The following SYNGR1 variants were observed in gnomAD, a reference collection of about 807,000 sequenced individuals.
SYNGR1 encodes the protein synaptogyrin-1.
SYNGR1 carries 14 observed loss-of-function variants against 26.1 expected under a neutral mutation model. That is an observed-to-expected ratio of 0.54 (90% CI 0.35 to 0.84). SYNGR1 has a LOEUF of 0.84. SYNGR1 is among the 40% of genes least tolerant of loss of function. The pLI is 0.01. For missense variants in SYNGR1, 319 were observed against 332.9 expected, an observed-to-expected ratio of 0.96 and a Z score of 0.33; for synonymous variants, 141 against 150.1, an observed-to-expected ratio of 0.94 and a Z score of 0.44.
intron 1 of SYNGR1, among the ~76,000 whole-genome samples, chr22:39,364,906 G>A (rs1207278594): frequency 1.3e-5 from 2 of 152,116 alleles, no homozygotes; most frequent in African/African-American, 2.4e-5. Flanking sequence ...TCCACCAAGC[G>A]CCATCTGGAA....
At chr22:39,376,672 TG>T (rs1925299940) in intron 3 of SYNGR1, among the ~76,000 whole-genome samples, 1 of 152,156 alleles carries the variant, frequency 6.6e-6, no homozygotes, top group Non-Finnish European at 1.5e-5. Flanking sequence ...GGGTAGGATC[TG>T]GGGGACACAG....
rs773559334 is a variant in SYNGR1 at position 39,376,125 on chromosome 22, C to A, written c.411C>A (p.Asp137Glu). 6.2e-7 allele frequency: 1 copy of A among 1,614,234 alleles called. No homozygotes were observed. Among genetic ancestry groups the A allele is most frequent in the Non-Finnish European group, 8.5e-7 (1 of 1,180,036 alleles). ...ANQWQVSKPKDNPLNEGTDAA... is the reference protein window; with the variant it reads ...ANQWQVSKPKENPLNEGTDAA... ...AGTGGCAGGTCTCCAAGCCCAAGGACAACCCACTGAACGAAGGGACGGACG... is the reference window on the plus strand; with the variant it reads ...AGTGGCAGGTCTCCAAGCCCAAGGAAAACCCACTGAACGAAGGGACGGACG... Residue 137 changes from aspartate (D) to glutamate (E), a missense_variant, in exon 3 of 4, where the codon GAC (aspartate) becomes GAA (glutamate). Coordinates refer to ENST00000328933, the MANE Select transcript of SYNGR1 (RefSeq NM_004711.5).
At position 39,350,118 on chromosome 22, in the gene SYNGR1, G is replaced by T. The variant is rs778606554; in HGVS notation, c.99+9G>T. 2.1e-6 allele frequency: 3 copies of T among 1,435,670 alleles called. No individual in the cohort carries two copies. The highest frequency in any genetic ancestry group is 1.5e-5 in the African/African-American group (1 of 67,504). The allele number at this position is 1,435,670 out of a possible 1,614,324, so 88.9% of individuals were successfully genotyped here. ...TGCGCGTCGTGTCTTGGGTAAGGAC[G>T]GACTGGCCGACGGCTCTGCCAGGCC... On this transcript the variant is annotated intron_variant, in intron 1 of 3. Transcript: ENST00000328933. This position sits in a 1 kb window ranked among gnomAD's most constrained non-coding sequence, Gnocchi z 4.3.
chr22:39,363,901 A>C (rs1043879309), intron 1 of SYNGR1, among the ~76,000 whole-genome samples: 1 of 152,172 alleles, frequency 6.6e-6, no homozygotes, highest in African/African-American at 2.4e-5. Flanking sequence ...CGTGGGCTCC[A>C]GATGTCATCT....
At position 39,375,924 on chromosome 22, in the gene SYNGR1, G is replaced by T. The variant is rs140038376; in HGVS notation, c.338-128G>T. The T allele has an allele frequency of 8.5e-5, 108 of 1,276,020 alleles. No homozygotes were observed. The East Asian group carries it at 2.4e-3, about 28-fold the overall frequency. 79.0% of individuals were successfully genotyped at this position (1,276,020 alleles called of 1,614,324 possible). A position where few individuals can be genotyped will look rare whatever the true frequency, so the allele number is the denominator to read the frequency against. On this transcript the variant is annotated intron_variant, in intron 2 of 3. Transcript: ENST00000328933. The stretch of plus-strand genomic sequence containing the variant: ...CCTACCCCCTTTGCCTGTCCCTTTG[G>T]GGGTGGGGGAGCATGGGAGATGCAC...
Position 39,376,145 on chromosome 22 carries a change from C to G in SYNGR1, c.431C>G (p.Thr144Arg). The change falls in exon 3 of 4, where the codon ACG becomes AGG. Residue 144 changes from threonine (T) to arginine (R), a missense_variant. Physicochemically the swap from Thr to Arg is moderately conservative, Grantham distance 71. Coordinates refer to ENST00000328933, the MANE Select transcript of SYNGR1 (RefSeq NM_004711.5). ...AAGGACAACCCACTGAACGAAGGGACGGACGCAGCCCGGGCCGCCATCGCC... is the reference window on the plus strand; with the variant it reads ...AAGGACAACCCACTGAACGAAGGGAGGGACGCAGCCCGGGCCGCCATCGCC... Reference protein sequence around the residue: ...KPKDNPLNEGTDAARAAIAFS... With the variant: ...KPKDNPLNEGRDAARAAIAFS... 1 of 1,614,182 alleles carries G rather than the reference C, an allele frequency of 6.2e-7. No homozygotes were observed. Among genetic ancestry groups the G allele is most frequent in the South Asian group, 1.1e-5 (1 of 91,082 alleles).
chr22:39,375,721 A>T, intron 2 of SYNGR1: 1 of 593,030 alleles, frequency 1.7e-6, no homozygotes, highest in Non-Finnish European at 3.0e-6. Context: ...AGGCTGCAGA[A>T]ATGCGGCCTG....
chr22:39,359,883 T>C (rs1239915556), intron 1 of SYNGR1, among the ~76,000 whole-genome samples: 4 of 151,950 alleles, frequency 2.6e-5, no homozygotes, highest in African/African-American at 7.3e-5. Flanking sequence ...AGGCGTCTCC[T>C]CCAACCCTCC....
rs545369847 is a variant in SYNGR1, at chr22:39,370,124, T to C, written c.100-4192T>C. On this transcript the variant is annotated intron_variant, in intron 1 of 3. Transcript: ENST00000328933. ...CTGGGACCACAGGTGCATGCCACCA[T>C]ACTCAGCTAATTTTTGTTTTGTTTT... Among the ~76,000 whole-genome samples, 6 of 151,834 alleles carry C rather than the reference T, an allele frequency of 4.0e-5. No homozygotes were observed. In the South Asian group the frequency reaches 1.2e-3, roughly 32 times the overall value.
intron 2 of SYNGR1, chr22:39,375,109 G>A (rs80181382): frequency 0.014 from 2,391 of 167,412 alleles, 29 homozygotes; most frequent in Non-Finnish European, 0.02. Context: ...CTGATTGGTG[G>A]ATGCTCTCAG....
intron 1 of SYNGR1, among the ~76,000 whole-genome samples, chr22:39,367,598 A>G (rs6001559): frequency 0.47 from 70,881 of 151,892 alleles, 18,899 homozygotes; most frequent in East Asian, 0.99. Flanking sequence ...CGAGGCGGGC[A>G]AATCACCTGA....
chr22:39,364,217 T>C, intron 1 of SYNGR1: 1 of 1,613,640 alleles, frequency 6.2e-7, no homozygotes, highest in Non-Finnish European at 8.5e-7. Context: ...GAGTTTGGGA[T>C]TCTGGAATTC....
Position 39,382,229 on chromosome 22 carries a change from T to A in SYNGR1, c.*315T>A. ...TCCGGCCTGTGCTGGGCATGGGTGGTGACATTGGCAGAAATGGCCACTGGA... is the reference window on the plus strand; with the variant it reads ...TCCGGCCTGTGCTGGGCATGGGTGGAGACATTGGCAGAAATGGCCACTGGA... On this transcript the variant is annotated 3_prime_UTR_variant, in exon 4 of 4. Coordinates refer to ENST00000328933, the MANE Select transcript of SYNGR1 (RefSeq NM_004711.5). The A allele has an allele frequency of 2.1e-6, 1 of 478,776 alleles. No homozygotes were observed. The highest frequency in any genetic ancestry group is 3.8e-6 in the Non-Finnish European group (1 of 260,688). 29.7% of individuals were successfully genotyped at this position (478,776 alleles called of 1,614,324 possible). A position where few individuals can be genotyped will look rare whatever the true frequency, so the allele number is the denominator to read the frequency against.
chr22:39,362,767 G>A (rs904051512), intron 1 of SYNGR1, among the ~76,000 whole-genome samples: 41 of 152,202 alleles, frequency 2.7e-4, no homozygotes, highest in African/African-American at 9.2e-4. Context: ...GCACAGGGGT[G>A]TGCAAGCGGA....
intron 3 of SYNGR1, among the ~76,000 whole-genome samples, chr22:39,381,261 T>C (rs1353465264): frequency 6.6e-6 from 1 of 152,190 alleles, no homozygotes; most frequent in African/African-American, 2.4e-5. Flanking sequence ...GGCCAAAACG[T>C]AGTCACATGG....
intron 1 of SYNGR1, among the ~76,000 whole-genome samples, chr22:39,357,531 G>A (rs1027526343): frequency 1.3e-5 from 2 of 152,230 alleles, no homozygotes; most frequent in Non-Finnish European, 2.9e-5. Flanking sequence ...GCAGGGAGGT[G>A]TGGAGGGAGA....
At chr22:39,375,775 C>T (rs974627505) in intron 2 of SYNGR1, 19 of 607,888 alleles carry the variant, frequency 3.1e-5, no homozygotes, top group Non-Finnish European at 5.0e-5. Context: ...ATCCTCCCCT[C>T]TCACTGCCCG....
chr22:39,362,975 A>C (rs896640164), intron 1 of SYNGR1, among the ~76,000 whole-genome samples: 4 of 152,192 alleles, frequency 2.6e-5, no homozygotes, highest in African/African-American at 9.7e-5. Context: ...TGTTACCAAG[A>C]AAATTAATTG....
At chr22:39,374,956 C>T in intron 2 of SYNGR1, 1 of 289,950 alleles carries the variant, frequency 3.4e-6, no homozygotes, top group Non-Finnish European at 6.7e-6. Flanking sequence ...GCCCTGGAGC[C>T]TCAGCCTCCC....
Sources: allele counts gnomAD v4.1 joint callset (sites outside exome capture counted in the v4.1 genomes callset), GRCh38; gene constraint gnomAD v4.1.1; non-coding constraint Gnocchi (gnomAD v3.1); transcripts MANE v1.5; gene names NCBI Gene and HGNC (gene_info 2026-07-23, HGNC 2026-07-21).